Variants in CRPPA observed in about 807,000 individuals in gnomAD.
CRPPA encodes the protein CDP-L-ribitol pyrophosphorylase A.
A neutral mutation model predicts 52.0 loss-of-function variants in CRPPA; 43 were observed. That is an observed-to-expected ratio of 0.83 (90% CI 0.65 to 1.07). CRPPA has a LOEUF of 1.07. CRPPA is among the 50% of genes least tolerant of loss of function. The pLI is 0.00. For missense variants in CRPPA, 629 were observed against 551.7 expected, an observed-to-expected ratio of 1.14 and a Z score of -1.40; for synonymous variants, 250 against 203.5, an observed-to-expected ratio of 1.23 and a Z score of -1.94.
At chr7:16,183,382 T>A (rs1781448238) in intron 9 of CRPPA, among the ~76,000 whole-genome samples, 1 of 152,168 alleles carries the variant, frequency 6.6e-6, no homozygotes, top group African/African-American at 2.4e-5. Flanking sequence ...CTGAGAAAAG[T>A]ACTGTGGAGA....
At chr7:16,240,519 G>T (rs967681971) in intron 8 of CRPPA, among the ~76,000 whole-genome samples, 6 of 151,254 alleles carry the variant, frequency 4.0e-5, no homozygotes, top group African/African-American at 1.5e-4. Flanking sequence ...GACAGGAATG[G>T]AACAGGGATT....
chr7:16,290,483 A>G (rs1304916131), intron 5 of CRPPA, among the ~76,000 whole-genome samples: 2 of 151,976 alleles, frequency 1.3e-5, no homozygotes, highest in African/African-American at 2.4e-5. Context: ...ATAGAGAACC[A>G]AGAAATAAAT....
intron 8 of CRPPA, among the ~76,000 whole-genome samples, chr7:16,245,915 T>G (rs1783260152): frequency 6.6e-6 from 1 of 151,804 alleles, no homozygotes; most frequent in Non-Finnish European, 1.5e-5. Context: ...CTTCAGCGAG[T>G]CCTAATCTTT....
At chr7:16,116,860 C>G (rs1782386105) in intron 9 of CRPPA, among the ~76,000 whole-genome samples, 1 of 152,144 alleles carries the variant, frequency 6.6e-6, no homozygotes, top group Non-Finnish European at 1.5e-5. Flanking sequence ...TTGTAGCTTA[C>G]ATAACCGAGT....
At chr7:16,208,571 G>A (rs1782028214) in intron 9 of CRPPA, among the ~76,000 whole-genome samples, 1 of 152,192 alleles carries the variant, frequency 6.6e-6, no homozygotes, top group Non-Finnish European at 1.5e-5. Context: ...TGCACCAGGT[G>A]AGAGAGCATG....
chr7:16,378,840 T>C (rs909740716), intron 2 of CRPPA, among the ~76,000 whole-genome samples: 7 of 152,212 alleles, frequency 4.6e-5, no homozygotes, highest in African/African-American at 1.7e-4. Context: ...GTGGTTTTGA[T>C]TTGCATTTCT....
intron 9 of CRPPA, among the ~76,000 whole-genome samples, chr7:16,161,516 G>A (rs557814944): frequency 2.6e-4 from 40 of 152,286 alleles, no homozygotes; most frequent in African/African-American, 9.6e-4. Flanking sequence ...AATCAGCTTT[G>A]TATCCCAGGG....
intron 9 of CRPPA, among the ~76,000 whole-genome samples, chr7:16,183,790 G>A (rs528562626): frequency 1.3e-5 from 2 of 152,112 alleles, no homozygotes; most frequent in Non-Finnish European, 2.9e-5. Context: ...GTGCCTAAGA[G>A]AAGCCAATAA....
chr7:16,389,913 C>CAAAAAAAAAAAAAAAAAAAAAAAAAAA (rs1163092089), intron 2 of CRPPA, among the ~76,000 whole-genome samples: 6 of 34,314 alleles, frequency 1.7e-4, no homozygotes, highest in African/African-American at 2.2e-4. Flanking sequence ...GCCTAGTATA[C>CAAAAAAAAAAAAAAAAAAAAAAAAAAA]AAAAAAAAAA....
At chr7:16,232,651 G>A (rs1391260058) in intron 8 of CRPPA, among the ~76,000 whole-genome samples, 14 of 152,004 alleles carry the variant, frequency 9.2e-5, no homozygotes, top group African/African-American at 2.4e-5. Context: ...CCTCAGTTGT[G>A]GGAAATAATT....
chr7:16,303,783 A>G (rs1784845821), intron 4 of CRPPA, among the ~76,000 whole-genome samples: 2 of 152,216 alleles, frequency 1.3e-5, no homozygotes, highest in South Asian at 2.1e-4. Context: ...CAAAAACCAA[A>G]TAGAGACTAC....
intron 2 of CRPPA, among the ~76,000 whole-genome samples, chr7:16,400,829 T>G (rs1787797439): frequency 6.6e-6 from 1 of 152,236 alleles, no homozygotes; most frequent in Non-Finnish European, 1.5e-5. Flanking sequence ...GTGACATTTA[T>G]AAAAGTTATA....
intron 3 of CRPPA, among the ~76,000 whole-genome samples, chr7:16,312,179 G>T (rs1785048081): frequency 6.6e-6 from 1 of 151,798 alleles, no homozygotes; most frequent in Non-Finnish European, 1.5e-5. Context: ...ATTTTGATTG[G>T]GATTGCATCA....
At chr7:16,400,657 C>T (rs1787791074) in intron 2 of CRPPA, among the ~76,000 whole-genome samples, 1 of 152,204 alleles carries the variant, frequency 6.6e-6, no homozygotes, top group Non-Finnish European at 1.5e-5. Flanking sequence ...GTGACTGACA[C>T]GTGTCCATAA....
intron 3 of CRPPA, among the ~76,000 whole-genome samples, chr7:16,354,235 G>C (rs1198408894): frequency 6.6e-6 from 1 of 152,086 alleles, no homozygotes; most frequent in African/African-American, 2.4e-5. Context: ...TATTTTATCT[G>C]TATTAATAAA....
intron 9 of CRPPA, among the ~76,000 whole-genome samples, chr7:16,169,733 G>A (rs927211352): frequency 4.6e-5 from 7 of 152,052 alleles, no homozygotes; most frequent in African/African-American, 7.2e-5. Context: ...CTCTCTCATC[G>A]ACTATATCAG....
intron 6 of CRPPA, among the ~76,000 whole-genome samples, chr7:16,263,965 TG>T (rs1783887142): frequency 1.3e-5 from 2 of 152,186 alleles, no homozygotes; most frequent in Admixed American, 1.3e-4. Context: ...TTAGTATTTT[TG>T]TACTCTTGAA....
intron 2 of CRPPA, among the ~76,000 whole-genome samples, chr7:16,380,000 G>A (rs1333192016): frequency 1.3e-5 from 2 of 151,416 alleles, no homozygotes; most frequent in African/African-American, 4.9e-5. Flanking sequence ...CTGCCTAATT[G>A]CCCTGGCCAG....
At chr7:16,167,682 C>A (rs950477440) in intron 9 of CRPPA, among the ~76,000 whole-genome samples, 4 of 152,188 alleles carry the variant, frequency 2.6e-5, no homozygotes, top group Non-Finnish European at 5.9e-5. Flanking sequence ...TGGAAAAAAA[C>A]CAAGGATAAT....
Sources: gnomAD v4.1 joint callset for allele counts (sites outside exome capture counted in the v4.1 genomes callset) on GRCh38, gnomAD v4.1.1 for gene constraint, MANE v1.5 for transcripts, NCBI Gene and HGNC (gene_info 2026-07-23, HGNC 2026-07-21) for gene names.